SLC30A7: variants seen among roughly 807,000 people sequenced by gnomAD.
SLC30A7 encodes zinc transporter 7.
A neutral mutation model predicts 46.0 loss-of-function variants in SLC30A7; 35 were observed. That is an observed-to-expected ratio of 0.76 (90% confidence interval 0.58 to 1.01). The LOEUF (loss-of-function observed/expected upper bound fraction) is 1.01, where lower values mean the gene tolerates loss of function less well. Ranked by LOEUF, SLC30A7 falls within the 50% of genes least tolerant of loss-of-function variation. The probability of loss-of-function intolerance (pLI) is 0.00; values close to 1 mark genes in which losing one functional copy is unlikely to be tolerated. For synonymous variants in SLC30A7, 147 were observed against 157.8 expected (o/e 0.93, Z 0.51); for missense variants, 464 against 451.1 (o/e 1.03, Z -0.26).
At chr1:100,932,222 C>T (rs891316200) in intron 8 of SLC30A7, among the ~76,000 whole-genome samples, 14 of 152,088 alleles carry the variant, frequency 9.2e-5, no homozygotes. Context: ...TGAGACCAAC[C>T]TGGCCAACAT....
chr1:100,939,616 C>T (rs1654217064), intron 8 of SLC30A7, among the ~76,000 whole-genome samples: 1 of 150,894 alleles, frequency 6.6e-6, no homozygotes, highest in Non-Finnish European at 1.5e-5. Flanking sequence ...GTGGGCAGAT[C>T]ACGAGGTCAG....
At chr1:100,990,276 T>A in the SLC30A7 span, 3 of 792,428 alleles carry the variant, frequency 3.8e-6, no homozygotes, top group East Asian at 7.9e-5. Flanking sequence ...CCCCCATGAT[T>A]CAATTACCTA....
chr1:100,897,618 C>T (rs1183448095), intron 2 of SLC30A7, among the ~76,000 whole-genome samples: 2 of 152,158 alleles, frequency 1.3e-5, no homozygotes, highest in East Asian at 1.9e-4. Flanking sequence ...CAGAGAAAAT[C>T]GCTGTCCTTG....
chr1:100,944,251 G>T (rs988582686), intron 8 of SLC30A7, among the ~76,000 whole-genome samples: 1 of 152,028 alleles, frequency 6.6e-6, no homozygotes, highest in South Asian at 2.1e-4. Context: ...TGTTGTCCAG[G>T]CTGGTCTCAA....
intron 8 of SLC30A7, chr1:100,942,013 G>A (rs578035785): frequency 8.6e-6 from 2 of 233,746 alleles, no homozygotes; most frequent in African/African-American, 4.6e-5. Context: ...TGGGAAGAGA[G>A]ATTTTAACAA....
chr1:100,920,148 A>G (rs1386537528), intron 7 of SLC30A7, among the ~76,000 whole-genome samples: 3 of 152,036 alleles, frequency 2.0e-5, no homozygotes, highest in African/African-American at 7.2e-5. Flanking sequence ...AGAACAAATC[A>G]TTATTTTCTT....
chr1:100,907,636 C>T (rs902207508), intron 3 of SLC30A7, among the ~76,000 whole-genome samples: 2 of 151,786 alleles, frequency 1.3e-5, no homozygotes, highest in Admixed American at 1.3e-4. Context: ...CTTTCTCTTC[C>T]CCACCCCTTT....
chr1:100,896,486 G>A, intron 1 of SLC30A7, 84 bp from the exon 2 acceptor site: 2 of 1,434,064 alleles, frequency 1.4e-6, no homozygotes, highest in Non-Finnish European at 2.0e-6. Flanking sequence ...TGTGAACTGG[G>A]AGGGTCTTGA....
At chr1:100,915,209 CT>C (rs755675376) in intron 6 of SLC30A7, among the ~76,000 whole-genome samples, 2 of 70,948 alleles carry the variant, frequency 2.8e-5, no homozygotes, top group African/African-American at 1.2e-4. Flanking sequence ...TTCTTTCTTT[CT>C]TTCTTTCTTT....
chr1:100,909,369 AT>A (rs1244736586), intron 3 of SLC30A7, among the ~76,000 whole-genome samples: 2 of 152,090 alleles, frequency 1.3e-5, no homozygotes, highest in African/African-American at 2.4e-5. Flanking sequence ...CCACACTCTT[AT>A]TTTTTAAAGA....
intron 8 of SLC30A7, among the ~76,000 whole-genome samples, chr1:100,927,211 C>G (rs1273941073): frequency 6.6e-6 from 1 of 152,056 alleles, no homozygotes; most frequent in African/African-American, 2.4e-5. Context: ...ATTTAATAGA[C>G]AGTTTATTCT....
chr1:100,909,271 C>T (rs1195584661), intron 3 of SLC30A7, among the ~76,000 whole-genome samples: 1 of 152,064 alleles, frequency 6.6e-6, no homozygotes, highest in Non-Finnish European at 1.5e-5. Context: ...AGCTGACTGA[C>T]TCTGCAATAG....
At chr1:100,940,877 T>G (rs1361184828) in intron 8 of SLC30A7, 3 of 304,756 alleles carry the variant, frequency 9.8e-6, no homozygotes, top group Non-Finnish European at 1.9e-5. Context: ...ACAAATACTG[T>G]CTAAAACATG....
chr1:100,955,644 TC>T (rs1655182863), intron 8 of SLC30A7, among the ~76,000 whole-genome samples: 1 of 152,128 alleles, frequency 6.6e-6, no homozygotes, highest in African/African-American at 2.4e-5. Context: ...TTTCTACATT[TC>T]CTTTCATTAT....
At chr1:100,912,325 C>CAG (rs1652158261) in intron 5 of SLC30A7, 87 bp downstream of exon 5, 1 of 1,394,574 alleles carries the variant, frequency 7.2e-7, no homozygotes, top group Non-Finnish European at 9.9e-7. Flanking sequence ...TTAAACTATA[C>CAG]TGATTTCTGA....
chr1:100,993,069 CTAGCT>C, the SLC30A7 span, among the ~76,000 whole-genome samples: 4 of 152,198 alleles, frequency 2.6e-5, no homozygotes, highest in African/African-American at 9.6e-5. Context: ...GGTCTATACT[CTAGCT>C]TAATCAGGTT....
At chr1:100,948,943 T>G (rs934907567) in intron 8 of SLC30A7, among the ~76,000 whole-genome samples, 4 of 152,220 alleles carry the variant, frequency 2.6e-5, no homozygotes, top group African/African-American at 9.6e-5. Flanking sequence ...TAACCTTTTT[T>G]CAAGGTTTTT....
rs1389363011 is a variant in SLC30A7, at chr1:100,980,014, T to G, written c.*5157T>G. On this transcript the variant is annotated 3_prime_UTR_variant, in exon 11 of 11. Coordinates refer to ENST00000357650, the MANE Select transcript of SLC30A7 (RefSeq NM_133496.5). The stretch of plus-strand genomic sequence containing the variant: ...ATTCCTTCTTCCAGTGCCCTTATGA[T>G]TATTTCCTACCTTTACCATTGATCT... 6.6e-6 allele frequency: 1 copy of G among 152,166 alleles called. No homozygotes were observed. The highest frequency in any genetic ancestry group is 1.9e-4 in the East Asian group (1 of 5,200). 9.4% of individuals were successfully genotyped at this position (152,166 alleles called of 1,614,324 possible).
chr1:100,935,065 A>T (rs1230514329), intron 8 of SLC30A7, among the ~76,000 whole-genome samples: 10 of 152,208 alleles, frequency 6.6e-5, no homozygotes, highest in Non-Finnish European at 1.3e-4. Flanking sequence ...GAAGCTTCAA[A>T]CTATTTGTGT....
Sources: gnomAD v4.1 joint callset for allele counts (sites outside exome capture counted in the v4.1 genomes callset) on GRCh38, gnomAD v4.1.1 for gene constraint, MANE v1.5 for transcripts, NCBI Gene and HGNC (gene_info 2026-07-23, HGNC 2026-07-21) for gene names.